PAQR5: variants seen among roughly 807,000 people sequenced by gnomAD.
The protein encoded by PAQR5 is membrane progestin receptor gamma.
A neutral mutation model predicts 34.5 loss-of-function variants in PAQR5; 20 were observed. That is an observed-to-expected ratio of 0.58 (90% CI 0.41 to 0.84). PAQR5 has a LOEUF of 0.84. Ranked by LOEUF, PAQR5 falls within the 40% of genes least tolerant of loss-of-function variation. The pLI is 0.00. For missense variants in PAQR5, 378 were observed against 412.7 expected (o/e 0.92, Z 0.73); for synonymous variants, 131 against 155.6 (o/e 0.84, Z 1.18).
At chr15:69,401,358 C>T (rs954137226) in intron 8 of PAQR5, among the ~76,000 whole-genome samples, 4 of 152,188 alleles carry the variant, frequency 2.6e-5, no homozygotes, top group African/African-American at 9.7e-5. Flanking sequence ...TTTGTTTGAT[C>T]TGATTAAAGT....
intron 5 of PAQR5, among the ~76,000 whole-genome samples, chr15:69,387,394 T>C (rs1504630): frequency 0.99 from 151,312 of 152,334 alleles, 75,158 homozygotes; most frequent in Middle Eastern, 1. Context: ...CTGTTAGAGG[T>C]TCCTGTGCAA....
chr15:69,384,922 C>CCGGTTGCA, intron 5 of PAQR5, 40 bp downstream of exon 5: 1 of 1,524,220 alleles, frequency 6.6e-7, no homozygotes, highest in Non-Finnish European at 9.0e-7. Flanking sequence ...CCCCTGCAAC[C>CCGGTTGCA]GGGCTGTTTG....
rs2140290475 is a variant in PAQR5, at chr15:69,406,944, T to C, written c.*3122T>C. On this transcript the variant is annotated 3_prime_UTR_variant, in exon 9 of 9. Transcript: ENST00000395407. The stretch of plus-strand genomic sequence containing the variant: ...ATTTAGAGGTCTTCTGAGTATAAAG[T>C]GGTTTAAATATTTGGTCTGCTGAAG... 1 of 152,158 alleles carries C rather than the reference T, an allele frequency of 6.6e-6. No homozygotes were observed. The highest frequency in any genetic ancestry group is 1.9e-4 in the East Asian group (1 of 5,180). 9.4% of individuals were successfully genotyped at this position (152,158 alleles called of 1,614,324 possible). A position where few individuals can be genotyped will look rare whatever the true frequency, so the allele number is the denominator to read the frequency against.
chr15:69,377,064 C>T (rs187660967), intron 3 of PAQR5, among the ~76,000 whole-genome samples: 1 of 152,178 alleles, frequency 6.6e-6, no homozygotes, highest in Non-Finnish European at 1.5e-5. Context: ...TCTCACTGGT[C>T]CCTTGTCACA....
At chr15:69,393,543 C>T (rs112254625) in intron 6 of PAQR5, among the ~76,000 whole-genome samples, 1,923 of 152,254 alleles carry the variant, frequency 0.013, 35 homozygotes, top group African/African-American at 0.044. Context: ...CGTGCAATGT[C>T]GATGCCTTAG....
At chr15:69,393,221 C>G (rs1275671891) in intron 6 of PAQR5, among the ~76,000 whole-genome samples, 1 of 152,164 alleles carries the variant, frequency 6.6e-6, no homozygotes, top group Non-Finnish European at 1.5e-5. Flanking sequence ...CCTCGCTCCA[C>G]GTTCCCTGAC....
At chr15:69,384,311 G>A (rs1269074206) in intron 4 of PAQR5, among the ~76,000 whole-genome samples, 10 of 125,338 alleles carry the variant, frequency 8.0e-5, no homozygotes, top group Non-Finnish European at 1.0e-4. Context: ...GCCCTCCGTG[G>A]GTGAGTGGGC....
chr15:69,363,536 GTTTTTTGTTTTTGT>G (rs1344785001), intron 3 of PAQR5, among the ~76,000 whole-genome samples: 4 of 82,002 alleles, frequency 4.9e-5, no homozygotes, highest in South Asian at 5.9e-4. Flanking sequence ...TTGCTAATCT[GTTTTTTGTTTTTGT>G]TTTTTTTTTT....
intron 1 of PAQR5, among the ~76,000 whole-genome samples, chr15:69,322,612 A>G (rs1200989761): frequency 1.5e-5 from 2 of 135,400 alleles, no homozygotes. Flanking sequence ...CTGTGTTTGT[A>G]CCACTGCACT....
chr15:69,370,348 C>T (rs1278275103), intron 3 of PAQR5, among the ~76,000 whole-genome samples: 1 of 152,102 alleles, frequency 6.6e-6, no homozygotes, highest in African/African-American at 2.4e-5. Flanking sequence ...TCATGATGAA[C>T]AAAAGAAACC....
At chr15:69,303,704 T>C (rs746337201) in intron 1 of PAQR5, among the ~76,000 whole-genome samples, 10 of 152,092 alleles carry the variant, frequency 6.6e-5, no homozygotes, top group African/African-American at 9.7e-5. Context: ...GGACTTGGGC[T>C]AGGGATAACC....
intron 2 of PAQR5, among the ~76,000 whole-genome samples, chr15:69,352,570 A>G (rs1174366971): frequency 3.3e-5 from 5 of 152,206 alleles, no homozygotes; most frequent in Admixed American, 2.0e-4. Flanking sequence ...AAAGGAAGAG[A>G]AAACCGGGGC....
rs941145404 is a variant in PAQR5, at chr15:69,385,615, A to G, written c.385+733A>G. ...CCCTTGTGGGCATGCATCTATCCCT[A>G]AGGATATGAGTTCTAGATTCTTCCT... On this transcript the variant is annotated intron_variant, in intron 5 of 8. Transcript: ENST00000395407. The surrounding 1 kb of genome is among the most constrained non-coding windows in gnomAD (Gnocchi z 4.7). Among the ~76,000 whole-genome samples, 4 of 151,958 alleles carry G rather than the reference A, an allele frequency of 2.6e-5. No individual in the cohort carries two copies. Among genetic ancestry groups the G allele is most frequent in the Non-Finnish European group, 5.9e-5 (4 of 67,982 alleles).
At chr15:69,348,995 C>CA (rs1019240328) in intron 2 of PAQR5, among the ~76,000 whole-genome samples, 1 of 152,262 alleles carries the variant, frequency 6.6e-6, no homozygotes, top group African/African-American at 2.4e-5. Context: ...CTATGGAAGG[C>CA]AAAACCTTGG....
chr15:69,364,332 G>A lies in PAQR5; in HGVS notation c.51+4201G>A, dbSNP rs1021171339. On this transcript the variant is annotated intron_variant, in intron 3 of 8. Coordinates refer to ENST00000395407, the MANE Select transcript of PAQR5 (RefSeq NM_017705.4). Reference sequence around the variant, plus strand: ...GCTTATTAAAATATGATAGAAGCAGGGCTCGGTGGGTCACACCTGTAATCC... The same window carrying A: ...GCTTATTAAAATATGATAGAAGCAGAGCTCGGTGGGTCACACCTGTAATCC... 4.0e-5 allele frequency among the ~76,000 whole-genome samples: 6 copies of A among 151,402 alleles called. No individual in the cohort carries two copies. The East Asian group carries it at 5.8e-4, about 15-fold the overall frequency.
chr15:69,338,252 A>C (rs1390769252), intron 2 of PAQR5, among the ~76,000 whole-genome samples: 5 of 152,242 alleles, frequency 3.3e-5, no homozygotes, highest in African/African-American at 9.6e-5. Flanking sequence ...ATTATGCTCC[A>C]AAAGAAAACT....
chr15:69,316,653 A>T (rs1340283238), intron 1 of PAQR5, among the ~76,000 whole-genome samples: 1 of 152,236 alleles, frequency 6.6e-6, no homozygotes. Context: ...TTAGAATGAC[A>T]GTTGCTCTTT....
At chr15:69,386,211 C>T (rs2056103611) in intron 5 of PAQR5, among the ~76,000 whole-genome samples, 3 of 151,598 alleles carry the variant, frequency 2.0e-5, no homozygotes, top group African/African-American at 7.3e-5. Context: ...CACACATTCA[C>T]ACACTCACAC....
Position 69,339,168 on chromosome 15 carries a change from A to ACCCCCCCCC in PAQR5, c.-116+1668_-116+1669insCCCCCCCCC, listed in dbSNP as rs111647955. Among the ~76,000 whole-genome samples the ACCCCCCCCC allele has an allele frequency of 7.1e-4, 95 of 133,930 alleles. 2 individuals are homozygous for ACCCCCCCCC. Among genetic ancestry groups the ACCCCCCCCC allele is most frequent in the Non-Finnish European group, 1.2e-3 (75 of 60,202 alleles). The allele number at this position is 133,930 out of a possible 152,430, so 87.9% of individuals were successfully genotyped here. ...AGTCACCACTCCTGGCCCACTGGCT[A>ACCCCCCCCC]CACCCCCCACCCCGCCACCAAGTTA... On this transcript the variant is annotated intron_variant, in intron 2 of 8. Transcript: ENST00000395407.
Sources: allele counts gnomAD v4.1 joint callset (sites outside exome capture counted in the v4.1 genomes callset), GRCh38; gene constraint gnomAD v4.1.1; non-coding constraint Gnocchi (gnomAD v3.1); transcripts MANE v1.5; gene names NCBI Gene and HGNC (gene_info 2026-07-23, HGNC 2026-07-21).